ABTB3: variants seen among roughly 807,000 people sequenced by gnomAD.
ABTB3 encodes the protein ankyrin repeat- and BTB/POZ domain-containing protein 3.
chr12:107,530,228 G>C, the ABTB3 span, among the ~76,000 whole-genome samples: 3 of 152,146 alleles, frequency 2.0e-5, no homozygotes, highest in African/African-American at 7.2e-5. Context: ...AGTGCCTTGG[G>C]GAAATGAATG....
At chr12:107,622,221 G>A in the ABTB3 span, among the ~76,000 whole-genome samples, 6 of 152,198 alleles carry the variant, frequency 3.9e-5, no homozygotes, top group East Asian at 3.9e-4. Context: ...ACCACTGGCC[G>A]GGGGTGGGAG....
chr12:107,602,698 A>G, the ABTB3 span, among the ~76,000 whole-genome samples: 1 of 152,348 alleles, frequency 6.6e-6, no homozygotes, highest in Non-Finnish European at 1.5e-5. Flanking sequence ...TAGCTTTAAA[A>G]CATAATAAAT....
At chr12:107,361,535 G>T in the ABTB3 span, among the ~76,000 whole-genome samples, 1 of 152,076 alleles carries the variant, frequency 6.6e-6, no homozygotes, top group African/African-American at 2.4e-5. Flanking sequence ...ATTATATCCC[G>T]AGGATAAATT....
At chr12:107,608,400 A>T in the ABTB3 span, among the ~76,000 whole-genome samples, 1 of 152,144 alleles carries the variant, frequency 6.6e-6, no homozygotes, top group Non-Finnish European at 1.5e-5. Flanking sequence ...AGCCTTAAGG[A>T]CTACGTCACA....
chr12:107,402,794 C>T, the ABTB3 span, among the ~76,000 whole-genome samples: 6 of 152,234 alleles, frequency 3.9e-5, no homozygotes, highest in African/African-American at 2.4e-5. Context: ...CTTGCCCCTT[C>T]TGCTACCTCC....
chr12:107,508,349 G>T, the ABTB3 span, among the ~76,000 whole-genome samples: 1 of 150,356 alleles, frequency 6.7e-6, no homozygotes, highest in African/African-American at 2.4e-5. Flanking sequence ...TTGATATAGA[G>T]TAAGGTAGAC....
the ABTB3 span, among the ~76,000 whole-genome samples, chr12:107,453,685 T>C: frequency 3.7e-4 from 56 of 152,308 alleles, no homozygotes; most frequent in South Asian, 1.0e-3. Flanking sequence ...ACATTTACAT[T>C]TTAATTCCTC....
the ABTB3 span, among the ~76,000 whole-genome samples, chr12:107,333,284 T>C: frequency 6.6e-6 from 1 of 152,018 alleles, no homozygotes; most frequent in African/African-American, 2.4e-5. Flanking sequence ...AGAAGCAGAG[T>C]GAGTTCATAT....
chr12:107,469,992 C>A, the ABTB3 span, among the ~76,000 whole-genome samples: 1 of 96,538 alleles, frequency 1.0e-5, no homozygotes, highest in Non-Finnish European at 1.9e-5. Flanking sequence ...TTCTTTCTTT[C>A]TTTCTTTCTT....
chr12:107,520,747 C>A, the ABTB3 span: 1 of 1,358,916 alleles, frequency 7.4e-7, no homozygotes, highest in African/African-American at 1.4e-5. Flanking sequence ...TTGTAATCAG[C>A]GGGGTGACAC....
the ABTB3 span, among the ~76,000 whole-genome samples, chr12:107,425,078 C>T: frequency 3.3e-5 from 5 of 152,170 alleles, no homozygotes; most frequent in South Asian, 4.1e-4. Flanking sequence ...CTCCCATTAC[C>T]TAAGCATAGT....
At chr12:107,655,765 C>T in the ABTB3 span, among the ~76,000 whole-genome samples, 2 of 152,144 alleles carry the variant, frequency 1.3e-5, no homozygotes, top group African/African-American at 2.4e-5. Context: ...TAAACCTGTC[C>T]CAAACTATTC....
chr12:107,426,545 A>T, the ABTB3 span, among the ~76,000 whole-genome samples: 1 of 152,264 alleles, frequency 6.6e-6, no homozygotes, highest in South Asian at 2.1e-4. Context: ...CACCCCAGCA[A>T]CATCCAGATG....
chr12:107,439,500 G>T, the ABTB3 span, among the ~76,000 whole-genome samples: 16 of 152,140 alleles, frequency 1.1e-4, no homozygotes, highest in Admixed American at 2.0e-4. Flanking sequence ...TGGGGCTCCA[G>T]TGTATCTTGG....
At chr12:107,331,247 T>C in the ABTB3 span, among the ~76,000 whole-genome samples, 2 of 152,218 alleles carry the variant, frequency 1.3e-5, no homozygotes, top group African/African-American at 4.8e-5. Flanking sequence ...GCCTTCTCTA[T>C]ACTGACTTTG....
chr12:107,539,441 A>G, the ABTB3 span, among the ~76,000 whole-genome samples: 1 of 152,046 alleles, frequency 6.6e-6, no homozygotes, highest in Non-Finnish European at 1.5e-5. Context: ...TCTTCCTCCC[A>G]GGGAGTGCAA....
the ABTB3 span, among the ~76,000 whole-genome samples, chr12:107,501,742 G>A: frequency 6.6e-6 from 1 of 151,880 alleles, no homozygotes; most frequent in Non-Finnish European, 1.5e-5. Context: ...GTGTGAGTTT[G>A]CCTGTTCTGG....
the ABTB3 span, among the ~76,000 whole-genome samples, chr12:107,432,739 A>G: frequency 1.3e-5 from 2 of 152,192 alleles, no homozygotes; most frequent in East Asian, 3.9e-4. Context: ...AAGTTGCTAA[A>G]AATGCAAATT....
chr12:107,332,500 G>A, the ABTB3 span, among the ~76,000 whole-genome samples: 2 of 152,074 alleles, frequency 1.3e-5, no homozygotes, highest in Admixed American at 6.5e-5. Flanking sequence ...CCTGGTTCTC[G>A]GTGCCTGTTC....
Sources: allele counts gnomAD v4.1 joint callset (sites outside exome capture counted in the v4.1 genomes callset), GRCh38; gene constraint gnomAD v4.1.1; transcripts MANE v1.5; gene names NCBI Gene and HGNC (gene_info 2026-07-23, HGNC 2026-07-21).